Variants in CPEB1 observed in about 807,000 individuals in gnomAD.
The protein encoded by CPEB1 is cytoplasmic polyadenylation element-binding protein 1.
In CPEB1, 7 loss-of-function variants were observed where a neutral mutation model predicts 65.8. The ratio of observed to expected loss-of-function variants is 0.11; its 90% confidence interval spans 0.06 to 0.20. The LOEUF (loss-of-function observed/expected upper bound fraction) is 0.20. CPEB1 is among the 10% of genes least tolerant of loss of function. The pLI, the probability that CPEB1 is intolerant of heterozygous loss-of-function variation, is 1.00. For missense variants in CPEB1, 551 were observed against 712.2 expected (o/e 0.77, Z 2.58); for synonymous variants, 262 against 260.0 (o/e 1.01, Z -0.08).
At chr15:82,618,094 T>TAA (rs961633937) in intron 3 of CPEB1, among the ~76,000 whole-genome samples, 1 of 145,324 alleles carries the variant, frequency 6.9e-6, no homozygotes, top group Non-Finnish European at 1.5e-5. Flanking sequence ...GTAAGCTTAT[T>TAA]AAAAAAAAAA....
chr15:82,560,040 C>A (rs531490409), intron 4 of CPEB1, among the ~76,000 whole-genome samples: 1 of 152,106 alleles, frequency 6.6e-6, no homozygotes. Context: ...GCCGAGATTG[C>A]GCCACTACAC....
At chr15:82,570,287 T>C (rs1425549591) in intron 4 of CPEB1, among the ~76,000 whole-genome samples, 2 of 152,082 alleles carry the variant, frequency 1.3e-5, no homozygotes, top group Non-Finnish European at 2.9e-5. Flanking sequence ...CTTGCTGCCA[T>C]GGCTGCCGGT....
chr15:82,570,159 CA>C (rs2039793117), intron 4 of CPEB1, among the ~76,000 whole-genome samples: 1 of 152,084 alleles, frequency 6.6e-6, no homozygotes, highest in Non-Finnish European at 1.5e-5. Flanking sequence ...GGGGTTTTAC[CA>C]AAACAACTGG....
rs143297861 is a variant in CPEB1 at position 82,570,546 on chromosome 15, C to T, written c.460+798G>A. 2.4e-4 allele frequency among the ~76,000 whole-genome samples: 36 copies of T among 152,266 alleles called. No individual in the cohort carries two copies. The East Asian group carries it at 7.0e-3, about 29-fold the overall frequency. On this transcript the variant is annotated intron_variant, in intron 4 of 12. Transcript: ENST00000684509. Reference sequence around the variant, plus strand: ...CCAAGACTTGTATTTAGGCAACCCTCCTCCTTGTACCACAAGAGGGAAATA... The same window carrying T: ...CCAAGACTTGTATTTAGGCAACCCTTCTCCTTGTACCACAAGAGGGAAATA...
At chr15:82,554,545 C>T (rs531299895) in intron 6 of CPEB1, among the ~76,000 whole-genome samples, 4 of 152,282 alleles carry the variant, frequency 2.6e-5, no homozygotes, top group African/African-American at 9.6e-5. Context: ...CTGTTCCAAG[C>T]CAGACTCATC....
At chr15:82,605,146 C>T (rs753676084) in intron 3 of CPEB1, among the ~76,000 whole-genome samples, 1 of 152,122 alleles carries the variant, frequency 6.6e-6, no homozygotes, top group East Asian at 1.9e-4. Context: ...ATCACCAACA[C>T]GATCCTTCAA....
intron 3 of CPEB1, among the ~76,000 whole-genome samples, chr15:82,623,258 T>C (rs1347271629): frequency 6.6e-6 from 1 of 152,236 alleles, no homozygotes; most frequent in African/African-American, 2.4e-5. Flanking sequence ...ACTTTTCCAA[T>C]GATGCTTTAT....
upstream of CPEB1, chr15:82,647,657 A>G (rs1348704650): frequency 8.1e-6 from 3 of 369,188 alleles, no homozygotes; most frequent in Non-Finnish European, 4.6e-6. Context: ...CTGAGTCACG[A>G]GGAGGCTCCC....
chr15:82,563,469 A>C (rs1660960445), intron 4 of CPEB1, among the ~76,000 whole-genome samples: 1 of 145,386 alleles, frequency 6.9e-6, no homozygotes, highest in South Asian at 2.2e-4. Context: ...TTCAGCCTCC[A>C]AAGTAGCTAG....
At chr15:82,579,705 G>A (rs994511507) in intron 3 of CPEB1, among the ~76,000 whole-genome samples, 3 of 151,222 alleles carry the variant, frequency 2.0e-5, no homozygotes, top group Admixed American at 1.3e-4. Context: ...GAGGTCAGGA[G>A]ATCGAGACCA....
chr15:82,599,996 A>C (rs559732566), intron 3 of CPEB1, among the ~76,000 whole-genome samples: 1 of 152,312 alleles, frequency 6.6e-6, no homozygotes, highest in South Asian at 2.1e-4. Context: ...TCCCAAAAGA[A>C]GAGAAAGAAA....
intron 1 of CPEB1, chr15:82,629,401 C>T: frequency 7.1e-6 from 7 of 985,112 alleles, no homozygotes; most frequent in Non-Finnish European, 8.4e-6. Context: ...ACTTTATTAA[C>T]TGGCATGAGA....
chr15:82,614,986 G>A (rs192936663), intron 3 of CPEB1, among the ~76,000 whole-genome samples: 2 of 152,022 alleles, frequency 1.3e-5, no homozygotes, highest in Non-Finnish European at 2.9e-5. Flanking sequence ...GTGCATCATT[G>A]TAGATAGTAT....
intron 4 of CPEB1, among the ~76,000 whole-genome samples, chr15:82,562,976 G>A (rs908049333): frequency 2.0e-5 from 3 of 152,312 alleles, no homozygotes; most frequent in Middle Eastern, 3.4e-3. Flanking sequence ...CCTTCTCTCT[G>A]AAAACACTGG....
At chr15:82,634,029 T>C (rs971903623) in intron 1 of CPEB1, among the ~76,000 whole-genome samples, 2 of 151,916 alleles carry the variant, frequency 1.3e-5, no homozygotes, top group Non-Finnish European at 2.9e-5. Context: ...ATACATAAAG[T>C]ACATGGATAT....
At chr15:82,643,523 G>C (rs748903263) in intron 1 of CPEB1, among the ~76,000 whole-genome samples, 39 of 152,180 alleles carry the variant, frequency 2.6e-4, no homozygotes, top group Non-Finnish European at 3.5e-4. Context: ...CCACTACTTG[G>C]GAGGCTGAGG....
At chr15:82,568,840 C>T (rs902505053) in intron 4 of CPEB1, among the ~76,000 whole-genome samples, 4 of 152,208 alleles carry the variant, frequency 2.6e-5, no homozygotes, top group Admixed American at 1.3e-4. Context: ...CTGCACACAA[C>T]GAATGCTCGA....
In CPEB1 at chr15:82,614,877, GTGTATA is replaced by G. The variant is rs1195281181; in HGVS notation, c.271+12310_271+12315del. ...TGTGTGTGTGTGTGTGTGTGTGTGT[GTGTATA>G]TATATATATGACCTCAGCCAACGCT... On this transcript the variant is annotated intron_variant, in intron 3 of 12. Transcript: ENST00000684509. Among the ~76,000 whole-genome samples, 80 of 126,802 alleles carry G rather than the reference GTGTATA, an allele frequency of 6.3e-4. 1 individual carries two copies. In the Middle Eastern group the frequency reaches 0.017, roughly 27 times the overall value. 83.2% of individuals were successfully genotyped at this position (126,802 alleles called of 152,430 possible).
chr15:82,645,728 C>T (rs1011469510), intron 1 of CPEB1, among the ~76,000 whole-genome samples: 1 of 151,974 alleles, frequency 6.6e-6, no homozygotes, highest in South Asian at 2.1e-4. Context: ...ATCAGCCGCG[C>T]GTGGTGGCAC....
Sources: allele counts gnomAD v4.1 joint callset (sites outside exome capture counted in the v4.1 genomes callset), GRCh38; gene constraint gnomAD v4.1.1; transcripts MANE v1.5; gene names NCBI Gene and HGNC (gene_info 2026-07-23, HGNC 2026-07-21).